WIZ: variants seen among roughly 807,000 people sequenced by gnomAD.
WIZ encodes the protein WIZ zinc finger.
Under a neutral mutation model 140.2 loss-of-function variants are expected in WIZ, and 25 were observed. The ratio of observed to expected loss-of-function variants is 0.18; its 90% CI spans 0.13 to 0.25. The LOEUF (loss-of-function observed/expected upper bound fraction) is 0.25, where lower values mean the gene tolerates loss of function less well. Among genes scored for constraint, WIZ ranks in the 10% least tolerant of loss-of-function variants. The probability of loss-of-function intolerance (pLI) is 1.00; values close to 1 mark genes in which losing one functional copy is unlikely to be tolerated. For synonymous variants in WIZ, 1,125 were observed against 1,154.3 expected (o/e 0.97, Z 0.51); for missense variants, 2,231 against 2,632.6 (o/e 0.85, Z 3.34).
chr19:15,424,451 G>T lies in WIZ; in HGVS notation c.5315-73C>A. On this transcript the variant is annotated intron_variant, in intron 11 of 12. Transcript: ENST00000673675. This position sits in a 1 kb window ranked among gnomAD's most constrained non-coding sequence, Gnocchi z 9.7. ...CAGAGACTTGGAATACACAAGAGCT[G>T]AGGACTGATGCTACCTGGATGGGTG... 1 of 1,553,354 alleles carries T rather than the reference G, an allele frequency of 6.4e-7. No individual in the cohort carries two copies. Among genetic ancestry groups the T allele is most frequent in the Non-Finnish European group, 8.7e-7 (1 of 1,147,726 alleles).
chr19:15,449,773 C>T (rs2145432549), intron 1 of WIZ, 25 bp downstream of exon 1: 1 of 145,512 alleles, frequency 6.9e-6, no homozygotes, highest in African/African-American at 2.5e-5. Context: ...CACCCGCGGG[C>T]TCCCCAGGCC....
In WIZ at chr19:15,427,258, G is replaced by A. The variant is rs201153156; in HGVS notation, c.4090C>T (p.Arg1364Cys). 63 of 1,613,788 alleles carry A rather than the reference G, an allele frequency of 3.9e-5. No homozygotes were observed. Among genetic ancestry groups the A allele is most frequent in the African/African-American group, 1.6e-4 (12 of 75,024 alleles). The part of the protein sequence containing the change: ...GAGPGSSLEA[R>C]SPSDLHISPL... ...GAGATGTGAAGGTCCGAGGGGCTGC[G>A]GGCTTCCAGTGAGCTGCCAGGACCT... Residue 1364 changes from arginine (R) to cysteine (C), a missense_variant, in exon 9 of 13, where the codon CGC becomes TGC. Physicochemically the swap from Arg to Cys is radical, Grantham distance 180. Transcript: ENST00000673675. The surrounding 1 kb of genome is among the most constrained non-coding windows in gnomAD (Gnocchi z 6.4).
rs1443138196 is a variant in WIZ at position 15,429,715 on chromosome 19, G to T, written c.3286C>A (p.Leu1096Met). 1 of 1,455,602 alleles carries T rather than the reference G, an allele frequency of 6.9e-7. No individual in the cohort carries two copies. Among genetic ancestry groups the T allele is most frequent in the Admixed American group, 2.6e-5 (1 of 38,164 alleles). The allele number at this position is 1,455,602 out of a possible 1,614,324, so 90.2% of individuals were successfully genotyped here. A position where few individuals can be genotyped will look rare whatever the true frequency, so the allele number is the denominator to read the frequency against. ...GGGGTAGGGGAGCCCGCCAGGGCCA[G>T]TGGTGTCTTTTTGAGGAGTGGAGAG... The part of the protein sequence containing the change: ...PSSPLLKKTP[L>M]ALAGSPTPKN... Residue 1096 changes from leucine (L) to methionine (M), a missense_variant, in exon 7 of 13, where the codon CTG (leucine) becomes ATG (methionine). Physicochemically the swap from Leu to Met is conservative, Grantham distance 15. Transcript: ENST00000673675.
chr19:15,424,177 G>A lies in WIZ; in HGVS notation c.5510+6C>T. 2 of 1,511,340 alleles carry A rather than the reference G, an allele frequency of 1.3e-6. No individual in the cohort carries two copies. The highest frequency in any genetic ancestry group is 1.8e-6 in the Non-Finnish European group (2 of 1,131,200). The allele number at this position is 1,511,340 out of a possible 1,614,324, so 93.6% of individuals were successfully genotyped here. A position where few individuals can be genotyped will look rare whatever the true frequency, so the allele number is the denominator to read the frequency against. ...GGTCTCCCTCCCTCCCCCAGGGGCA[G>A]CCTACCTGCATTTGAGGGTGTAGAT... On this transcript the variant is annotated splice_donor_region_variant and intron_variant, in intron 12 of 12. Coordinates refer to ENST00000673675, the MANE Select transcript of WIZ (RefSeq NM_001371589.1). The surrounding 1 kb of genome is among the most constrained non-coding windows in gnomAD (Gnocchi z 9.7).
chr19:15,428,332 C>T lies in WIZ; in HGVS notation c.3592G>A (p.Val1198Ile), dbSNP rs754034412. Residue 1198 changes from valine to isoleucine, a missense_variant, in exon 8 of 13, where the codon GTC becomes ATC. Transcript: ENST00000673675. The surrounding 1 kb of genome is among the most constrained non-coding windows in gnomAD (Gnocchi z 6.4). Reference protein sequence around the residue: ...VLHGLIRRDGVQIRLPPRRGA... With the variant: ...VLHGLIRRDGIQIRLPPRRGA... ...CGCCTGGGTGGGAGGCGGATCTGGACGCCGTCCCTCCTGATGAGCCCGTGG... is the reference window on the plus strand; with the variant it reads ...CGCCTGGGTGGGAGGCGGATCTGGATGCCGTCCCTCCTGATGAGCCCGTGG... 3.8e-5 allele frequency: 58 copies of T among 1,534,586 alleles called. 1 individual carries two copies. The highest frequency in any genetic ancestry group is 3.6e-5 in the South Asian group (3 of 83,980).
chr19:15,424,411 G>C lies in WIZ; in HGVS notation c.5315-33C>G, dbSNP rs1469295103. The C allele has an allele frequency of 1.9e-6, 3 of 1,592,012 alleles. No homozygotes were observed. The highest frequency in any genetic ancestry group is 1.1e-5 in the South Asian group (1 of 89,394). On this transcript the variant is annotated intron_variant, in intron 11 of 12. Coordinates refer to ENST00000673675, the MANE Select transcript of WIZ (RefSeq NM_001371589.1). This position sits in a 1 kb window ranked among gnomAD's most constrained non-coding sequence, Gnocchi z 9.7. ...GGAGAGGGGGACGGGAGATGAGTGG[G>C]AGGGGTGGATGCTGCAGAGACTTGG...
At chr19:15,433,483 C>G in intron 5 of WIZ, 2 of 376,916 alleles carry the variant, frequency 5.3e-6, no homozygotes, top group South Asian at 2.2e-4. Context: ...GCAAGGCTTC[C>G]AAGATCTTCC....
At position 15,424,170 on chromosome 19, in the gene WIZ, AG is replaced by A; in HGVS notation, c.5510+12del. 6.7e-7 allele frequency: 1 copy of A among 1,498,232 alleles called. No individual in the cohort carries two copies. 92.8% of individuals were successfully genotyped at this position (1,498,232 alleles called of 1,614,324 possible). A position where few individuals can be genotyped will look rare whatever the true frequency, so the allele number is the denominator to read the frequency against. ...CTCAGGTGGTCTCCCTCCCTCCCCC[AG>A]GGGCAGCCTACCTGCATTTGAGGGT... On this transcript the variant is annotated intron_variant, in intron 12 of 12. Coordinates refer to ENST00000673675, the MANE Select transcript of WIZ (RefSeq NM_001371589.1). This position sits in a 1 kb window ranked among gnomAD's most constrained non-coding sequence, Gnocchi z 9.7.
In WIZ at chr19:15,428,580, G is replaced by T. The variant is rs528375462; in HGVS notation, c.3416-72C>A. ...GGCCTTGGGGGCCTGAGGTAGGAGGGTCTGGTGTGATTTTTGGCTGCTCAG... is the reference window on the plus strand; with the variant it reads ...GGCCTTGGGGGCCTGAGGTAGGAGGTTCTGGTGTGATTTTTGGCTGCTCAG... On this transcript the variant is annotated intron_variant, in intron 7 of 12. Transcript: ENST00000673675. This position sits in a 1 kb window ranked among gnomAD's most constrained non-coding sequence, Gnocchi z 6.4. 5 of 1,527,180 alleles carry T rather than the reference G, an allele frequency of 3.3e-6. No homozygotes were observed. In the Admixed American group the frequency reaches 1.0e-4, roughly 31 times the overall value. The allele number at this position is 1,527,180 out of a possible 1,614,324, so 94.6% of individuals were successfully genotyped here. A position where few individuals can be genotyped will look rare whatever the true frequency, so the allele number is the denominator to read the frequency against.
chr19:15,425,502 C>A lies in WIZ; in HGVS notation c.4633G>T (p.Val1545Leu). The A allele has an allele frequency of 6.2e-7, 1 of 1,610,098 alleles. No homozygotes were observed. Among genetic ancestry groups the A allele is most frequent in the Non-Finnish European group, 8.5e-7 (1 of 1,178,526 alleles). Residue 1545 changes from valine to leucine, a missense_variant, in exon 10 of 13, where the codon GTG becomes TTG. Physicochemically the swap from Val to Leu is conservative, Grantham distance 32 (BLOSUM62 1). Transcript: ENST00000673675. ...DGPPTVAPGP[V>L]QSPLPLSPLA... ...GGCGACAGCGGCAGTGGGGACTGCA[C>A]GGGCCCAGGGGCCACGGTGGGAGGC...
At chr19:15,445,817 G>T (rs1413630388) in intron 2 of WIZ, among the ~76,000 whole-genome samples, 1 of 152,142 alleles carries the variant, frequency 6.6e-6, no homozygotes, top group Non-Finnish European at 1.5e-5. Context: ...GCACACCCCT[G>T]CCCAGGCAGG....
Position 15,439,025 on chromosome 19 carries a change from G to C in WIZ, c.1969C>G (p.Leu657Val), listed in dbSNP as rs777366730. Reference protein sequence around the residue: ...PSLIPQAALELKQAFREALQA... With the variant: ...PSLIPQAALEVKQAFREALQA... ...AGGGCCTCTCGGAATGCCTGCTTCAGCTCCAGGGCCGCCTGCGGGATGAGG... is the reference window on the plus strand; with the variant it reads ...AGGGCCTCTCGGAATGCCTGCTTCACCTCCAGGGCCGCCTGCGGGATGAGG... Residue 657 changes from leucine (L) to valine (V), a missense_variant, in exon 4 of 13, where the codon CTG (leucine) becomes GTG (valine). By Grantham distance (32) the Leu-to-Val change is conservative (BLOSUM62 1). Transcript: ENST00000673675. This position sits in a 1 kb window ranked among gnomAD's most constrained non-coding sequence, Gnocchi z 7.0. 7 of 1,497,142 alleles carry C rather than the reference G, an allele frequency of 4.7e-6. No homozygotes were observed. The South Asian group carries it at 7.6e-5, about 16-fold the overall frequency. 92.7% of individuals were successfully genotyped at this position (1,497,142 alleles called of 1,614,324 possible). A position where few individuals can be genotyped will look rare whatever the true frequency, so the allele number is the denominator to read the frequency against.
In WIZ at chr19:15,424,835, G is replaced by A. The variant is rs751309277; in HGVS notation, c.5092C>T (p.Arg1698Cys). ...GAYRSYIQGG[R>C]PFTKKFRSAG... ...CTGCGGAACTTCTTGGTGAAGGGGC[G>A]GCCGCCCTGGATGTAGCTGCGGTAG... is the stretch of plus-strand genomic sequence containing the variant. The change falls in exon 11 of 13, where the codon CGC (arginine) becomes TGC (cysteine). Residue 1698 changes from arginine to cysteine, a missense_variant. By Grantham distance (180) the Arg-to-Cys change is radical (BLOSUM62 -3). This residue lies in a region of WIZ where 299 missense variants were observed against 309.6 expected (regional missense o/e 0.97). Transcript: ENST00000673675. The surrounding 1 kb of genome is among the most constrained non-coding windows in gnomAD (Gnocchi z 9.7). 6.2e-6 allele frequency: 10 copies of A among 1,610,178 alleles called. No individual in the cohort carries two copies. The highest frequency in any genetic ancestry group is 3.3e-5 in the South Asian group (3 of 90,354).
rs1291142839 is a variant in WIZ at position 15,449,702 on chromosome 19, G to T, written c.-61+96C>A. 8.4e-4 allele frequency: 62 copies of T among 73,758 alleles called. 5 individuals are homozygous for T. The highest frequency in any genetic ancestry group is 5.3e-5 in the Non-Finnish European group (2 of 37,724). The allele number at this position is 73,758 out of a possible 1,614,324, so 4.6% of individuals were successfully genotyped here. A position where few individuals can be genotyped will look rare whatever the true frequency, so the allele number is the denominator to read the frequency against. On this transcript the variant is annotated intron_variant, in intron 1 of 12. Coordinates refer to ENST00000673675, the MANE Select transcript of WIZ (RefSeq NM_001371589.1). ...AAGGCCCCGCCCCCGCCCCCGCCCC[G>T]GGGGGTCCCGCCTGGCCCGGCCCGG... is the stretch of plus-strand genomic sequence containing the variant.
At chr19:15,431,973 G>C (rs1036917095) in intron 5 of WIZ, among the ~76,000 whole-genome samples, 2 of 152,212 alleles carry the variant, frequency 1.3e-5, no homozygotes, top group African/African-American at 4.8e-5. Flanking sequence ...GTGCCAAATG[G>C]GGCCTTGGAG....
At chr19:15,425,141 A>G in intron 10 of WIZ, 100 bp downstream of exon 10, 2 of 1,526,210 alleles carry the variant, frequency 1.3e-6, no homozygotes, top group South Asian at 1.2e-5. Context: ...AGACCCAGCC[A>G]TGGGGGCCCC....
rs1386737002 is a variant in WIZ at position 15,440,509 on chromosome 19, C to T, written c.485G>A (p.Arg162Lys). 4 of 1,536,120 alleles carry T rather than the reference C, an allele frequency of 2.6e-6. No individual in the cohort carries two copies. In the Admixed American group the frequency reaches 7.8e-5, roughly 30 times the overall value. Residue 162 changes from arginine (R) to lysine (K), a missense_variant, in exon 4 of 13, where the codon AGA becomes AAA. By Grantham distance (26) the Arg-to-Lys change is conservative. Around this residue, in one of 15 missense-constraint regions of WIZ, gnomAD observed 307 missense variants for 294.1 expected, o/e 1.04. Transcript: ENST00000673675. The surrounding 1 kb of genome is among the most constrained non-coding windows in gnomAD (Gnocchi z 6.2). ...TTCCCCCCGGTGGTGTAAGAACCTT[C>T]TAGAGCCCTCTAGCTCAGCGTGGGG... is the stretch of plus-strand genomic sequence containing the variant. ...MKPHAELEGS[R>K]RFLHHRGEPR...
chr19:15,436,212 C>T (rs981972743), intron 5 of WIZ, among the ~76,000 whole-genome samples: 2 of 152,208 alleles, frequency 1.3e-5, no homozygotes, highest in African/African-American at 4.8e-5. Flanking sequence ...TTCTTAACAG[C>T]CATACATGAC....
Position 15,440,837 on chromosome 19 carries a change from A to AG in WIZ, c.279-123dup. On this transcript the variant is annotated intron_variant, in intron 3 of 12. Transcript: ENST00000673675. This position sits in a 1 kb window ranked among gnomAD's most constrained non-coding sequence, Gnocchi z 6.2. The stretch of plus-strand genomic sequence containing the variant: ...CCCGGAGATCCAGCCCGAGGGTGAC[A>AG]GGGGTGTGGGGGTGAGGGTGGGAGG... The AG allele has an allele frequency of 1.9e-6, 1 of 517,826 alleles. No homozygotes were observed. The highest frequency in any genetic ancestry group is 2.0e-5 in the South Asian group (1 of 49,230). The allele number at this position is 517,826 out of a possible 1,614,324, so 32.1% of individuals were successfully genotyped here.
Sources: allele counts gnomAD v4.1 joint callset (sites outside exome capture counted in the v4.1 genomes callset), GRCh38; gene constraint gnomAD v4.1.1; regional missense constraint gnomAD v4.1.1; non-coding constraint Gnocchi (gnomAD v3.1); transcripts MANE v1.5; gene names NCBI Gene and HGNC (gene_info 2026-07-23, HGNC 2026-07-21).